The following VPS13B variants were observed in gnomAD, a reference collection of about 807,000 sequenced individuals.
VPS13B encodes the protein intermembrane lipid transfer protein VPS13B.
A neutral mutation model predicts 426.4 loss-of-function variants in VPS13B; 285 were observed. That is an observed-to-expected ratio of 0.67 (90% CI 0.61 to 0.74). The LOEUF (loss-of-function observed/expected upper bound fraction) is 0.74. VPS13B is among the 30% of genes least tolerant of loss of function. The probability of loss-of-function intolerance (pLI) is 0.00; values close to 1 mark genes in which losing one functional copy is unlikely to be tolerated. For missense variants in VPS13B, 4,537 were observed against 4,782.6 expected (o/e 0.95, Z 1.51); for synonymous variants, 1,676 against 1,676.4 (o/e 1.00, Z 0.01).
chr8:99,585,609 T>G (rs1482961769), intron 33 of VPS13B, among the ~76,000 whole-genome samples: 1 of 152,104 alleles, frequency 6.6e-6, no homozygotes, highest in Non-Finnish European at 1.5e-5. Flanking sequence ...TGAAAAAAAT[T>G]TTTAGACAAA....
chr8:99,374,038 T>G (rs1002582579), intron 19 of VPS13B, among the ~76,000 whole-genome samples: 15 of 152,222 alleles, frequency 9.9e-5, no homozygotes, highest in African/African-American at 3.6e-4. Context: ...TGAAGGACAT[T>G]TTCAATGGGT....
intron 19 of VPS13B, among the ~76,000 whole-genome samples, chr8:99,290,917 A>G (rs2133044839): frequency 6.6e-6 from 1 of 152,202 alleles, no homozygotes. Context: ...CTGATAAGAT[A>G]AGAAAGCTCC....
At chr8:99,394,918 A>G (rs759668890) in intron 21 of VPS13B, among the ~76,000 whole-genome samples, 1 of 152,246 alleles carries the variant, frequency 6.6e-6, no homozygotes, top group African/African-American at 2.4e-5. Flanking sequence ...AATTCAAAAT[A>G]TAGAACTTTA....
chr8:99,331,441 A>G (rs1810537066), intron 19 of VPS13B, among the ~76,000 whole-genome samples: 2 of 151,832 alleles, frequency 1.3e-5, no homozygotes, highest in Non-Finnish European at 3.0e-5. Context: ...TAGAGCAGCC[A>G]AGATCCCTTT....
intron 19 of VPS13B, among the ~76,000 whole-genome samples, chr8:99,355,477 G>A (rs1240381223): frequency 6.6e-6 from 1 of 152,132 alleles, no homozygotes; most frequent in Non-Finnish European, 1.5e-5. Flanking sequence ...TGTAATCCCA[G>A]CTACTCAGGA....
intron 57 of VPS13B, among the ~76,000 whole-genome samples, chr8:99,860,538 T>A (rs1053734861): frequency 4.6e-5 from 7 of 152,220 alleles, no homozygotes; most frequent in African/African-American, 1.7e-4. Flanking sequence ...CACTGAATGT[T>A]TTTTACACTT....
intron 24 of VPS13B, among the ~76,000 whole-genome samples, chr8:99,481,262 AC>A (rs1309916443): frequency 6.6e-6 from 1 of 152,174 alleles, no homozygotes; most frequent in Non-Finnish European, 1.5e-5. Context: ...ATTTACTAGA[AC>A]GCCTTTGTTT....
chr8:99,686,402 C>T lies in VPS13B; in HGVS notation c.6047-13123C>T, dbSNP rs188109002. Reference sequence around the variant, plus strand: ...TGTGTTCACTCAAGGTCCTAGGGCTCTATAACCTGCCAGGCTTGTGTCCTT... The same window carrying T: ...TGTGTTCACTCAAGGTCCTAGGGCTTTATAACCTGCCAGGCTTGTGTCCTT... On this transcript the variant is annotated intron_variant, in intron 35 of 61. Transcript: ENST00000357162. 1.5e-3 allele frequency among the ~76,000 whole-genome samples: 224 copies of T among 150,864 alleles called. 8 individuals carry two copies. Among genetic ancestry groups the T allele is most frequent in the African/African-American group, 5.3e-3 (212 of 40,308 alleles).
chr8:99,580,340 ATTTCTTTTCT>A (rs530175864), intron 33 of VPS13B, among the ~76,000 whole-genome samples: 10 of 141,342 alleles, frequency 7.1e-5, no homozygotes, highest in East Asian at 6.4e-4. Context: ...ATATATATAT[ATTTCTTTTCT>A]TTTCTTTTCT....
At position 99,391,564 on chromosome 8, in the gene VPS13B, T is replaced by C. The variant is rs1234861694; in HGVS notation, c.2942T>C (p.Val981Ala). ...CATTTTGTCTCTTTCCAGCAGCCTG[T>C]GGTAGCTGTTCCTCTTGTTATGCCA... ...RTSRHMQQQP[V>A]VAVPLVMPVC... is the part of the protein sequence containing the mutation. The change falls in exon 21 of 62, where the codon GTG becomes GCG. Residue 981 changes from valine to alanine, a missense_variant. Coordinates refer to ENST00000357162, the MANE Select transcript of VPS13B (RefSeq NM_152564.5). 3 of 1,614,152 alleles carry C rather than the reference T, an allele frequency of 1.9e-6. No homozygotes were observed. The highest frequency in any genetic ancestry group is 2.5e-6 in the Non-Finnish European group (3 of 1,180,022).
intron 30 of VPS13B, among the ~76,000 whole-genome samples, chr8:99,553,496 A>G (rs1407911712): frequency 6.6e-6 from 1 of 152,150 alleles, no homozygotes; most frequent in Non-Finnish European, 1.5e-5. Context: ...ATTCAGAATC[A>G]TATAAGATAA....
chr8:99,252,163 A>G (rs1817537811), intron 17 of VPS13B, among the ~76,000 whole-genome samples: 2 of 151,916 alleles, frequency 1.3e-5, no homozygotes, highest in Non-Finnish European at 1.5e-5. Flanking sequence ...TGAGAGCTAG[A>G]TTATGGAATT....
chr8:99,056,218 G>A (rs375370299), intron 3 of VPS13B, among the ~76,000 whole-genome samples: 8 of 151,738 alleles, frequency 5.3e-5, no homozygotes, highest in South Asian at 2.1e-4. Context: ...CACTATGCCC[G>A]GCTAATTTTT....
chr8:99,672,901 C>T (rs1390055159), intron 35 of VPS13B, among the ~76,000 whole-genome samples: 1 of 152,044 alleles, frequency 6.6e-6, no homozygotes, highest in Non-Finnish European at 1.5e-5. Context: ...TTGAAATGAT[C>T]ATATGGTTTT....
intron 54 of VPS13B, among the ~76,000 whole-genome samples, chr8:99,845,217 T>TA: frequency 6.6e-6 from 1 of 152,294 alleles, no homozygotes; most frequent in South Asian, 2.1e-4. Context: ...CTGCCTATCA[T>TA]AAGCCTAGAA....
At chr8:99,538,410 T>A (rs767291551) in intron 30 of VPS13B, among the ~76,000 whole-genome samples, 1 of 152,212 alleles carries the variant, frequency 6.6e-6, no homozygotes, top group South Asian at 2.1e-4. Context: ...TGGGTTTTTT[T>A]AAAACTTTTA....
At chr8:99,792,626 G>A (rs890178154) in intron 43 of VPS13B, among the ~76,000 whole-genome samples, 17 of 152,126 alleles carry the variant, frequency 1.1e-4, no homozygotes, top group African/African-American at 3.9e-4. Flanking sequence ...CTCCAGAACC[G>A]GAAGATGGCT....
chr8:99,416,363 G>T (rs2133370448), intron 21 of VPS13B, among the ~76,000 whole-genome samples: 1 of 152,270 alleles, frequency 6.6e-6, no homozygotes, highest in East Asian at 1.9e-4. Context: ...CTCCGTGGGG[G>T]TGGGATCTGC....
At chr8:99,204,795 C>A (rs1814586887) in intron 17 of VPS13B, among the ~76,000 whole-genome samples, 1 of 152,088 alleles carries the variant, frequency 6.6e-6, no homozygotes, top group Non-Finnish European at 1.5e-5. Flanking sequence ...CAAATAAAAA[C>A]CACAGTGAGA....
Sources: gnomAD v4.1 joint callset for allele counts (sites outside exome capture counted in the v4.1 genomes callset) on GRCh38, gnomAD v4.1.1 for gene constraint, MANE v1.5 for transcripts, NCBI Gene and HGNC (gene_info 2026-07-23, HGNC 2026-07-21) for gene names.